The following VSTM1 variants were observed in gnomAD, a reference collection of about 807,000 sequenced individuals.
VSTM1 encodes V-set and transmembrane domain containing 1, also known as V-set and transmembrane domain-containing protein 1.
In VSTM1, 27 loss-of-function variants were observed where a neutral mutation model predicts 33.1. The observed-to-expected ratio is 0.82, with a 90% CI of 0.60 to 1.12. The LOEUF (loss-of-function observed/expected upper bound fraction) is 1.12. Among genes scored for constraint, VSTM1 ranks in the 50% most tolerant of loss-of-function variants. The pLI is 0.00. For missense variants in VSTM1, 304 were observed against 288.9 expected (o/e 1.05, Z -0.38); for synonymous variants, 115 against 110.3 (o/e 1.04, Z -0.27).
At position 54,058,286 on chromosome 19, in the gene VSTM1, A is replaced by C. The variant is rs373999097; in HGVS notation, c.355+20T>G. The C allele has an allele frequency of 5.0e-6, 8 of 1,604,290 alleles. No individual in the cohort carries two copies. The highest frequency in any genetic ancestry group is 6.8e-6 in the Non-Finnish European group (8 of 1,173,164). On this transcript the variant is annotated intron_variant, in intron 3 of 8. Coordinates refer to ENST00000338372, the MANE Select transcript of VSTM1 (RefSeq NM_198481.4). ...AACCAAAGAAATGTGTGCATCAAAG[A>C]GTACATCTGCCCTTCTCACCTGTGA...
intron 3 of VSTM1, among the ~76,000 whole-genome samples, chr19:54,054,862 TGGATGG>T (rs2071015716): frequency 1.2e-5 from 1 of 84,780 alleles, no homozygotes; most frequent in Non-Finnish European, 2.9e-5. Flanking sequence ...GATGGATGGA[TGGATGG>T]ATGGATGGAT....
chr19:54,049,795 C>T (rs1209902283), intron 4 of VSTM1, among the ~76,000 whole-genome samples: 1 of 151,904 alleles, frequency 6.6e-6, no homozygotes, highest in Non-Finnish European at 1.5e-5. Flanking sequence ...TTTTGAAAAC[C>T]GATTATACCA....
In VSTM1 at chr19:54,058,503, G is replaced by A; in HGVS notation, c.158C>T (p.Ser53Phe). 6.2e-7 allele frequency: 1 copy of A among 1,614,110 alleles called. No individual in the cohort carries two copies. Among genetic ancestry groups the A allele is most frequent in the Non-Finnish European group, 8.5e-7 (1 of 1,180,020 alleles). ...SNVTLKCQAH[S>F]QNVTFVLRKV... Reference sequence around the variant, plus strand: ...GCGCAGCACAAATGTCACATTCTGGGAATGAGCCTGACACTTCAGGGTCAC... The same window carrying A: ...GCGCAGCACAAATGTCACATTCTGGAAATGAGCCTGACACTTCAGGGTCAC... The change falls in exon 3 of 9, where the codon TCC becomes TTC. Residue 53 changes from serine to phenylalanine, a missense_variant. By Grantham distance (155) the Ser-to-Phe change is radical. Transcript: ENST00000338372.
intron 1 of VSTM1, among the ~76,000 whole-genome samples, chr19:54,061,022 T>TTC (rs1329563292): frequency 6.9e-6 from 1 of 145,970 alleles, no homozygotes; most frequent in Non-Finnish European, 1.5e-5. Context: ...TTTTCTTTTT[T>TTC]TTTTTTTTTT....
At chr19:54,048,028 G>A (rs2114650) in intron 4 of VSTM1, among the ~76,000 whole-genome samples, 40,819 of 152,094 alleles carry the variant, frequency 0.27, 5,881 homozygotes, top group Non-Finnish European at 0.33. Context: ...TCTACATTGC[G>A]ATTGAACATA....
chr19:54,047,897 T>C (rs537026620), intron 4 of VSTM1, among the ~76,000 whole-genome samples: 85 of 152,278 alleles, frequency 5.6e-4, no homozygotes, highest in African/African-American at 2.0e-3. Flanking sequence ...GAATAAATCA[T>C]AACTTGCTAC....
At chr19:54,045,480 C>A (rs1485433292) in intron 4 of VSTM1, among the ~76,000 whole-genome samples, 1 of 151,920 alleles carries the variant, frequency 6.6e-6, no homozygotes, top group Non-Finnish European at 1.5e-5. Flanking sequence ...TGTCTATCCA[C>A]CTGCTTACCT....
intron 4 of VSTM1, among the ~76,000 whole-genome samples, chr19:54,049,511 T>C (rs10412737): frequency 0.2 from 29,778 of 152,040 alleles, 3,700 homozygotes; most frequent in African/African-American, 0.35. Flanking sequence ...CTGTGAATTA[T>C]ATATCAATAA....
chr19:54,041,638 T>A (rs1425687633), intron 8 of VSTM1, 141 bp downstream of exon 8: 3 of 943,378 alleles, frequency 3.2e-6, no homozygotes, highest in Non-Finnish European at 3.1e-6. Context: ...TTGGTTCCCA[T>A]TAGGGGAGTT....
chr19:54,046,153 T>C (rs909625953), intron 4 of VSTM1, among the ~76,000 whole-genome samples: 1 of 152,210 alleles, frequency 6.6e-6, no homozygotes, highest in Non-Finnish European at 1.5e-5. Context: ...ATCTATCTAA[T>C]CTATCATATC....
At chr19:54,054,772 G>C (rs1472232778) in intron 3 of VSTM1, among the ~76,000 whole-genome samples, 1 of 138,036 alleles carries the variant, frequency 7.2e-6, no homozygotes, top group Non-Finnish European at 1.6e-5. Flanking sequence ...TGGGTAGGTA[G>C]GTAGATAGAT....
Position 54,041,764 on chromosome 19 carries a change from A to G in VSTM1, c.591+15T>C. ...TGAGGGAGCTCTTGTGGGACTCCTA[A>G]GCGGGAGGACTCACCGAGAGAGATA... is the stretch of plus-strand genomic sequence containing the variant. On this transcript the variant is annotated intron_variant, in intron 8 of 8. Coordinates refer to ENST00000338372, the MANE Select transcript of VSTM1 (RefSeq NM_198481.4). The G allele has an allele frequency of 6.2e-7, 1 of 1,612,454 alleles. No individual in the cohort carries two copies. The highest frequency in any genetic ancestry group is 8.5e-7 in the Non-Finnish European group (1 of 1,179,574).
intron 1 of VSTM1, among the ~76,000 whole-genome samples, chr19:54,062,721 C>CAA (rs35069136): frequency 0.16 from 21,382 of 135,152 alleles, 1,862 homozygotes; most frequent in East Asian, 0.27. Flanking sequence ...AAGACTCTGT[C>CAA]AAAAAAAAAA....
At chr19:54,046,301 T>C (rs1458776331) in intron 4 of VSTM1, among the ~76,000 whole-genome samples, 1 of 152,154 alleles carries the variant, frequency 6.6e-6, no homozygotes, top group African/African-American at 2.4e-5. Flanking sequence ...AAACAAGACA[T>C]ATTTGAGTTC....
Position 54,063,112 on chromosome 19 carries a change from C to T in VSTM1, c.34+632G>A, listed in dbSNP as rs998654424. 5.3e-5 allele frequency among the ~76,000 whole-genome samples: 8 copies of T among 151,916 alleles called. No homozygotes were observed. The South Asian group carries it at 1.5e-3, about 28-fold the overall frequency. Reference sequence around the variant, plus strand: ...CAGCACTTTGGGAGGCTGAGGCGGGCGGATCACCTGAGGTCAGGGGCTCGA... The same window carrying T: ...CAGCACTTTGGGAGGCTGAGGCGGGTGGATCACCTGAGGTCAGGGGCTCGA... On this transcript the variant is annotated intron_variant, in intron 1 of 8. Transcript: ENST00000338372.
At chr19:54,060,534 G>A (rs1288251672) in intron 1 of VSTM1, among the ~76,000 whole-genome samples, 2 of 152,156 alleles carry the variant, frequency 1.3e-5, no homozygotes, top group African/African-American at 2.4e-5. Context: ...CGTTGGCAGC[G>A]AGATTAGCTG....
chr19:54,041,002 C>T lies in VSTM1; in HGVS notation c.670G>A (p.Glu224Lys), dbSNP rs762135871. ...GCATATTCATGAGATCCTGGGGGCT[C>T]CTGGGTGGTGTCTGAAGCTGCCTCA... ...LSEAASDTTQ[E>K]PPGSHEYAAL... The change falls in exon 9 of 9, where the codon GAG (glutamate) becomes AAG (lysine). Residue 224 changes from glutamate to lysine, a missense_variant. Glu to Lys is a moderately conservative substitution (Grantham distance 56, BLOSUM62 1). Transcript: ENST00000338372. 17 of 1,610,558 alleles carry T rather than the reference C, an allele frequency of 1.1e-5. No homozygotes were observed. The highest frequency in any genetic ancestry group is 1.3e-5 in the Non-Finnish European group (15 of 1,178,842).
intron 3 of VSTM1, 104 bp downstream of exon 3, chr19:54,058,202 T>C (rs2071197560): frequency 1.6e-6 from 2 of 1,268,358 alleles, no homozygotes; most frequent in Admixed American, 2.5e-5. Flanking sequence ...ATCGTGCCAC[T>C]GCACTCCAGC....
At chr19:54,048,957 G>A (rs559580974) in intron 4 of VSTM1, among the ~76,000 whole-genome samples, 5 of 152,200 alleles carry the variant, frequency 3.3e-5, no homozygotes, top group South Asian at 2.1e-4. Flanking sequence ...GGTGACGGGC[G>A]CCTGTAGGTC....
Sources: gnomAD v4.1 joint callset for allele counts (sites outside exome capture counted in the v4.1 genomes callset) on GRCh38, gnomAD v4.1.1 for gene constraint, MANE v1.5 for transcripts, NCBI Gene and HGNC (gene_info 2026-07-23, HGNC 2026-07-21) for gene names.